RORA: variants seen among roughly 807,000 people sequenced by gnomAD.
RORA encodes RAR related orphan receptor A, also known as nuclear receptor ROR-alpha.
A neutral mutation model predicts 69.5 loss-of-function variants in RORA; 7 were observed. That is an observed-to-expected ratio of 0.10 (90% confidence interval 0.06 to 0.19). The LOEUF (loss-of-function observed/expected upper bound fraction) is 0.19. Ranked by LOEUF, RORA falls within the 10% of genes least tolerant of loss-of-function variation. RORA has a pLI of 1.00. For missense variants in RORA, 457 were observed against 663.0 expected (o/e 0.69, Z 3.41); for synonymous variants, 261 against 240.8 (o/e 1.08, Z -0.78).
chr15:60,971,808 T>C (rs913111065), intron 1 of RORA, among the ~76,000 whole-genome samples: 1 of 152,234 alleles, frequency 6.6e-6, no homozygotes, highest in Admixed American at 6.5e-5. Flanking sequence ...GAGATGTGGA[T>C]GTTCCTTCAG....
chr15:60,994,222 G>C (rs1894463346), intron 1 of RORA, among the ~76,000 whole-genome samples: 1 of 152,182 alleles, frequency 6.6e-6, no homozygotes, highest in Non-Finnish European at 1.5e-5. Context: ...AAAACAAAGA[G>C]AACAGAAGTG....
chr15:60,673,313 G>T (rs1258736794), intron 2 of RORA, among the ~76,000 whole-genome samples: 1 of 152,180 alleles, frequency 6.6e-6, no homozygotes, highest in East Asian at 1.9e-4. Context: ...GACTGGCAGG[G>T]CCAAGTGCAA....
intron 6 of RORA, among the ~76,000 whole-genome samples, chr15:60,505,252 TCTC>T (rs2065461600): frequency 6.6e-6 from 1 of 152,192 alleles, no homozygotes; most frequent in African/African-American, 2.4e-5. Flanking sequence ...CTTAATCTAT[TCTC>T]CTGTTGACAA....
intron 1 of RORA, among the ~76,000 whole-genome samples, chr15:60,774,972 G>T (rs545214582): frequency 6.6e-6 from 1 of 152,138 alleles, no homozygotes; most frequent in Non-Finnish European, 1.5e-5. Context: ...CTGATATTTT[G>T]AGTATGTTAC....
intron 2 of RORA, among the ~76,000 whole-genome samples, chr15:60,543,024 C>A (rs1343184733): frequency 6.6e-6 from 1 of 151,726 alleles, no homozygotes; most frequent in Non-Finnish European, 1.5e-5. Flanking sequence ...ACACACGAGT[C>A]CATCCAGCTG....
intron 1 of RORA, among the ~76,000 whole-genome samples, chr15:61,067,107 T>G (rs544202276): frequency 6.8e-6 from 1 of 147,750 alleles, no homozygotes; most frequent in East Asian, 2.0e-4. Context: ...TAGTCTAAAC[T>G]TTTTTTCTTT....
intron 1 of RORA, among the ~76,000 whole-genome samples, chr15:60,858,875 C>T (rs985711364): frequency 3.3e-5 from 5 of 152,138 alleles, no homozygotes; most frequent in African/African-American, 9.7e-5. Context: ...ATCCACATCT[C>T]AAACGCTCTA....
At chr15:60,683,647 T>TATACACAC (rs112760370) in intron 1 of RORA, among the ~76,000 whole-genome samples, 1 of 148,624 alleles carries the variant, frequency 6.7e-6, no homozygotes, top group African/African-American at 2.5e-5. Flanking sequence ...CAGATACACA[T>TATACACAC]ACACACACAC....
chr15:61,133,973 T>C (rs1452289662), intron 1 of RORA, among the ~76,000 whole-genome samples: 1 of 152,230 alleles, frequency 6.6e-6, no homozygotes, highest in African/African-American at 2.4e-5. Flanking sequence ...CAAGTTTGTT[T>C]GTTGAAATCA....
chr15:61,176,267 C>A (rs150077339), intron 1 of RORA: 2 of 152,132 alleles, frequency 1.3e-5, no homozygotes, highest in Non-Finnish European at 2.9e-5. Context: ...GTTCCTTCTG[C>A]GAACCGCCCT....
intron 2 of RORA, 26 bp downstream of exon 2, chr15:60,678,631 G>C: frequency 6.3e-7 from 1 of 1,584,016 alleles, no homozygotes; most frequent in East Asian, 2.2e-5. Context: ...AGAAAACTTT[G>C]GACAGAAAAA....
At chr15:60,816,966 C>G (rs1473103493) in intron 1 of RORA, among the ~76,000 whole-genome samples, 1 of 151,848 alleles carries the variant, frequency 6.6e-6, no homozygotes, top group Admixed American at 6.6e-5. Flanking sequence ...TTATGATTGC[C>G]ATTTGCAAAA....
At chr15:60,653,042 C>T (rs898028207) in intron 2 of RORA, among the ~76,000 whole-genome samples, 3 of 152,176 alleles carry the variant, frequency 2.0e-5, no homozygotes, top group African/African-American at 7.2e-5. Context: ...AGCCCGTAAG[C>T]GTGATCTGAG....
At chr15:60,725,815 A>C (rs1194641057) in intron 1 of RORA, among the ~76,000 whole-genome samples, 2 of 152,270 alleles carry the variant, frequency 1.3e-5, no homozygotes, top group East Asian at 3.9e-4. Context: ...CCCTCAAATA[A>C]ATCTAATTAA....
At chr15:61,137,129 G>C (rs2079253838) in intron 1 of RORA, among the ~76,000 whole-genome samples, 1 of 151,896 alleles carries the variant, frequency 6.6e-6, no homozygotes, top group Admixed American at 6.6e-5. Flanking sequence ...GGGTGGCAGA[G>C]TTCTCTCTCC....
intron 3 of RORA, among the ~76,000 whole-genome samples, chr15:60,517,485 T>TTTATTTTATTTTA (rs1567053935): frequency 6.6e-6 from 1 of 152,176 alleles, no homozygotes; most frequent in African/African-American, 2.4e-5. Flanking sequence ...TTTATTTTAT[T>TTTATTTTATTTTA]GTTTGTGTGT....
At chr15:60,846,845 T>A (rs941876031) in intron 1 of RORA, among the ~76,000 whole-genome samples, 24 of 152,250 alleles carry the variant, frequency 1.6e-4, no homozygotes, top group African/African-American at 5.8e-4. Flanking sequence ...TCGAATATGC[T>A]TCTCACATAC....
rs993806739 is a variant in RORA, at chr15:60,503,417, T to C, written c.1075+118A>G. 17 of 914,460 alleles carry C rather than the reference T, an allele frequency of 1.9e-5. No homozygotes were observed. The African/African-American group carries it at 2.7e-4, about 14-fold the overall frequency. 56.6% of individuals were successfully genotyped at this position (914,460 alleles called of 1,614,324 possible). On this transcript the variant is annotated intron_variant, in intron 7 of 10. Coordinates refer to ENST00000335670, the MANE Select transcript of RORA (RefSeq NM_134261.3). ...AACTCCATTTCTGCTAAGAAAAACC[T>C]GAGCTATTATCATTGGAGAAAAACT...
intron 1 of RORA, among the ~76,000 whole-genome samples, chr15:61,188,101 G>C (rs548726846): frequency 6.6e-6 from 1 of 151,996 alleles, no homozygotes; most frequent in East Asian, 1.9e-4. Context: ...TCGTTCCCCC[G>C]AAATACCCAA....
Sources: allele counts gnomAD v4.1 joint callset (sites outside exome capture counted in the v4.1 genomes callset), GRCh38; gene constraint gnomAD v4.1.1; transcripts MANE v1.5; gene names NCBI Gene and HGNC (gene_info 2026-07-23, HGNC 2026-07-21).